Variants in HDAC9 observed in about 807,000 individuals in gnomAD.
HDAC9 encodes the protein MEF-2 interacting transcription repressor (MITR) protein.
HDAC9 carries 41 observed loss-of-function variants against 139.4 expected under a neutral mutation model. The ratio of observed to expected loss-of-function variants is 0.29; its 90% CI spans 0.23 to 0.38. HDAC9 has a LOEUF of 0.38. Among genes scored for constraint, HDAC9 ranks in the 10% least tolerant of loss-of-function variants. The pLI, the probability that HDAC9 is intolerant of heterozygous loss-of-function variation, is 1.00. For synonymous variants in HDAC9, 517 were observed against 476.2 expected (o/e 1.09, Z -1.12); for missense variants, 1,147 against 1,297.0 (o/e 0.88, Z 1.78).
chr7:18,415,371 G>T (rs1438823040), intron 1 of HDAC9, among the ~76,000 whole-genome samples: 3 of 152,168 alleles, frequency 2.0e-5, no homozygotes, highest in African/African-American at 7.2e-5. Context: ...ACTGTTAGGA[G>T]CCTCTCAGCT....
chr7:18,776,217 A>G (rs1790755523), intron 16 of HDAC9, among the ~76,000 whole-genome samples: 1 of 152,034 alleles, frequency 6.6e-6, no homozygotes, highest in Non-Finnish European at 1.5e-5. Flanking sequence ...TGCTAGGATT[A>G]GAGGCCTGAA....
chr7:18,196,915 G>C (rs1041812828), intron 2 of HDAC9, among the ~76,000 whole-genome samples: 2 of 152,062 alleles, frequency 1.3e-5, no homozygotes, highest in African/African-American at 4.8e-5. Context: ...CCAGATACTT[G>C]GTCAAACACT....
At chr7:18,839,161 C>G (rs983696650) in intron 21 of HDAC9, among the ~76,000 whole-genome samples, 3 of 151,896 alleles carry the variant, frequency 2.0e-5, no homozygotes, top group Admixed American at 6.6e-5. Context: ...AAATATATTT[C>G]CGAGGTTACC....
chr7:18,245,657 A>T (rs1321767282), intron 2 of HDAC9, among the ~76,000 whole-genome samples: 1 of 152,204 alleles, frequency 6.6e-6, no homozygotes, highest in East Asian at 1.9e-4. Flanking sequence ...GAGATGTGAG[A>T]ATGAGAAACA....
intron 1 of HDAC9, among the ~76,000 whole-genome samples, chr7:18,305,203 G>T (rs529128040): frequency 6.6e-6 from 1 of 151,912 alleles, no homozygotes; most frequent in Non-Finnish European, 1.5e-5. Flanking sequence ...GTTTTTACTG[G>T]CACACTGTGT....
chr7:18,302,642 C>G (rs1191154408), intron 1 of HDAC9, among the ~76,000 whole-genome samples: 1 of 152,196 alleles, frequency 6.6e-6, no homozygotes, highest in Non-Finnish European at 1.5e-5. Context: ...AACAAATTGA[C>G]TTTGCCTTCA....
intron 19 of HDAC9, among the ~76,000 whole-genome samples, chr7:18,833,918 C>T (rs1162746459): frequency 6.6e-6 from 1 of 152,128 alleles, no homozygotes; most frequent in Non-Finnish European, 1.5e-5. Flanking sequence ...TATAAGTCTC[C>T]TATGGAGCAA....
chr7:18,219,216 G>T (rs1464930318), intron 2 of HDAC9, among the ~76,000 whole-genome samples: 1 of 151,970 alleles, frequency 6.6e-6, no homozygotes, highest in Middle Eastern at 3.2e-3. Flanking sequence ...ATTTTTAAAG[G>T]TATCTTTATC....
intron 1 of HDAC9, among the ~76,000 whole-genome samples, chr7:18,145,161 A>G (rs898918973): frequency 1.3e-5 from 2 of 152,242 alleles, no homozygotes; most frequent in African/African-American, 2.4e-5. Flanking sequence ...ACAGTCAACA[A>G]TTGATATGGA....
intron 2 of HDAC9, among the ~76,000 whole-genome samples, chr7:18,543,965 C>T (rs763328439): frequency 5.9e-5 from 9 of 151,516 alleles, no homozygotes; most frequent in Non-Finnish European, 8.8e-5. Flanking sequence ...CAGGAAGACA[C>T]CAAGATGCTG....
intron 25 of HDAC9, among the ~76,000 whole-genome samples, chr7:18,987,372 T>C (rs1391047878): frequency 6.6e-6 from 1 of 152,246 alleles, no homozygotes; most frequent in Non-Finnish European, 1.5e-5. Flanking sequence ...ATTACATTTA[T>C]TGATTTGCAT....
At chr7:18,111,996 G>T (rs1919316) in intron 1 of HDAC9, among the ~76,000 whole-genome samples, 23,873 of 151,710 alleles carry the variant, frequency 0.16, 2,245 homozygotes, top group South Asian at 0.3. Context: ...CAAGCTGGTT[G>T]TTAAAATAGC....
At chr7:18,496,536 GA>G in intron 2 of HDAC9, 1 of 532,994 alleles carries the variant, frequency 1.9e-6, no homozygotes, top group South Asian at 2.9e-5. Context: ...GCTTCTGAAT[GA>G]AATTGCAAAC....
At chr7:18,128,481 G>A (rs1371719221) in intron 1 of HDAC9, among the ~76,000 whole-genome samples, 1 of 151,936 alleles carries the variant, frequency 6.6e-6, no homozygotes, top group Non-Finnish European at 1.5e-5. Flanking sequence ...GTTTGTTACT[G>A]GCTTCAACAG....
intron 17 of HDAC9, among the ~76,000 whole-genome samples, chr7:18,817,191 C>T (rs532722648): frequency 6.6e-6 from 1 of 152,078 alleles, no homozygotes; most frequent in Non-Finnish European, 1.5e-5. Context: ...CCCGCCACCA[C>T]GCCTGCCTGA....
chr7:18,740,485 T>A (rs1787350319), intron 13 of HDAC9, among the ~76,000 whole-genome samples: 2 of 152,182 alleles, frequency 1.3e-5, no homozygotes, highest in Non-Finnish European at 2.9e-5. Flanking sequence ...GACAGTGAAC[T>A]TGGTAGATAA....
chr7:18,435,551 A>G (rs947953918), intron 1 of HDAC9, among the ~76,000 whole-genome samples: 13 of 152,116 alleles, frequency 8.5e-5, no homozygotes, highest in African/African-American at 2.7e-4. Flanking sequence ...AATATTATTC[A>G]TTTGACCCTA....
In HDAC9 at chr7:18,591,529, T is replaced by C; in HGVS notation, c.429T>C (p.Ser143=). ...KDRGRERAVA[S]TEVKQKLQEF... is the part of the protein sequence containing the mutation. ...TGTGTATTTCAGGGGCAGTGGCAAGTACAGAAGTAAAGCAGAAGCTTCAAG... is the reference window on the plus strand; with the variant it reads ...TGTGTATTTCAGGGGCAGTGGCAAGCACAGAAGTAAAGCAGAAGCTTCAAG... Residue 143 remains serine (S), a synonymous_variant, in exon 5 of 26, where the codon AGT becomes AGC. Transcript: ENST00000686413. The C allele has an allele frequency of 6.3e-7, 1 of 1,587,994 alleles. No individual in the cohort carries two copies. The highest frequency in any genetic ancestry group is 1.1e-5 in the South Asian group (1 of 87,542).
At chr7:18,367,094 T>C (rs1784242502) in intron 1 of HDAC9, among the ~76,000 whole-genome samples, 1 of 152,104 alleles carries the variant, frequency 6.6e-6, no homozygotes, top group South Asian at 2.1e-4. Flanking sequence ...CTTTTGTTTC[T>C]TTTTCACAAG....
Sources: gnomAD v4.1 joint callset for allele counts (sites outside exome capture counted in the v4.1 genomes callset) on GRCh38, gnomAD v4.1.1 for gene constraint, MANE v1.5 for transcripts, NCBI Gene and HGNC (gene_info 2026-07-23, HGNC 2026-07-21) for gene names.